MGLL: variants seen among roughly 807,000 people sequenced by gnomAD.
MGLL encodes lysophospholipase homolog.
In MGLL, 7 loss-of-function variants were observed where a neutral mutation model predicts 29.1. The observed-to-expected ratio is 0.24, with a 90% CI of 0.14 to 0.45. MGLL has a LOEUF of 0.45. MGLL is among the 20% of genes least tolerant of loss of function. The probability of loss-of-function intolerance (pLI) is 0.99; values close to 1 mark genes in which losing one functional copy is unlikely to be tolerated. For synonymous variants in MGLL, 148 were observed against 168.3 expected (o/e 0.88, Z 0.93); for missense variants, 356 against 413.6 (o/e 0.86, Z 1.21).
At chr3:127,784,454 G>A (rs966153358) in intron 2 of MGLL, among the ~76,000 whole-genome samples, 3 of 152,196 alleles carry the variant, frequency 2.0e-5, no homozygotes, top group Admixed American at 2.0e-4. Context: ...TAGAAACTTA[G>A]AGCAACCTTA....
chr3:127,740,804 G>A (rs1031446156), intron 3 of MGLL, among the ~76,000 whole-genome samples: 2 of 152,352 alleles, frequency 1.3e-5, no homozygotes, highest in African/African-American at 4.8e-5. Context: ...ACGTAGTGTG[G>A]GGACCTCCCA....
intron 3 of MGLL, among the ~76,000 whole-genome samples, chr3:127,733,388 A>T (rs2076185171): frequency 6.6e-6 from 1 of 152,234 alleles, no homozygotes; most frequent in South Asian, 2.1e-4. Flanking sequence ...CCATTCTTTC[A>T]TTCCTCTACT....
intron 2 of MGLL, among the ~76,000 whole-genome samples, chr3:127,801,520 G>C (rs2077479791): frequency 6.6e-6 from 1 of 150,954 alleles, no homozygotes; most frequent in Non-Finnish European, 1.5e-5. Context: ...GGAGGCTGAG[G>C]CAGGAGAATC....
In MGLL at chr3:127,710,829, C is replaced by T. The variant is rs896378225; in HGVS notation, c.511-164G>A. On this transcript the variant is annotated intron_variant, in intron 5 of 7. Coordinates refer to ENST00000265052, the MANE Select transcript of MGLL (RefSeq NM_007283.7). ...CCTTAAGCCTGCATGCCCAAGGACT[C>T]TCCCTTCTGACTCAGCCTCTATTCA... The T allele has an allele frequency of 8.6e-6, 6 of 695,366 alleles. No homozygotes were observed. The African/African-American group carries it at 8.8e-5, about 10-fold the overall frequency. The allele number at this position is 695,366 out of a possible 1,614,324, so 43.1% of individuals were successfully genotyped here. A position where few individuals can be genotyped will look rare whatever the true frequency, so the allele number is the denominator to read the frequency against.
chr3:127,696,166 CCT>C (rs2075357645), intron 6 of MGLL, among the ~76,000 whole-genome samples: 2 of 152,174 alleles, frequency 1.3e-5, no homozygotes, highest in South Asian at 4.1e-4. Context: ...GGATGTGGGT[CCT>C]CTCTCCTCAA....
At chr3:127,822,159 A>G (rs1210305515) in intron 1 of MGLL, 150 bp downstream of exon 1, 9 of 843,974 alleles carry the variant, frequency 1.1e-5, no homozygotes, top group Non-Finnish European at 1.7e-5. Flanking sequence ...AGTGGAAATT[A>G]TAGTCAGCTC....
intron 3 of MGLL, among the ~76,000 whole-genome samples, chr3:127,726,587 C>A (rs977460203): frequency 2.0e-5 from 3 of 152,050 alleles, no homozygotes; most frequent in African/African-American, 7.2e-5. Context: ...CACCACCATG[C>A]CCAGCTAATT....
chr3:127,815,483 C>T (rs1046753207), intron 2 of MGLL, among the ~76,000 whole-genome samples: 7 of 152,240 alleles, frequency 4.6e-5, no homozygotes, highest in African/African-American at 7.2e-5. Context: ...CCTGCTAACA[C>T]GCGGTGCTAC....
At chr3:127,774,766 G>C (rs629031) in intron 3 of MGLL, among the ~76,000 whole-genome samples, 5,566 of 152,236 alleles carry the variant, frequency 0.037, 332 homozygotes, top group African/African-American at 0.12. Flanking sequence ...GCACATTCTT[G>C]GGCCCCACAG....
At chr3:127,730,897 C>T (rs1273835464) in intron 3 of MGLL, among the ~76,000 whole-genome samples, 2 of 152,176 alleles carry the variant, frequency 1.3e-5, no homozygotes, top group African/African-American at 4.8e-5. Flanking sequence ...CGTGCATGTG[C>T]CCATGTCTGC....
rs35444871 is a variant in MGLL at position 127,807,750 on chromosome 3, C to CTTTT, written c.155+13940_155+13943dup. Reference sequence around the variant, plus strand: ...CTAATTTAGACATGCTGTGAAAAGTCTTTTTTTTTTTTTTTTTTTTTTTTT... The same window carrying CTTTT: ...CTAATTTAGACATGCTGTGAAAAGTCTTTTTTTTTTTTTTTTTTTTTTTTTTTTT... On this transcript the variant is annotated intron_variant, in intron 2 of 7. Coordinates refer to ENST00000265052, the MANE Select transcript of MGLL (RefSeq NM_007283.7). Among the ~76,000 whole-genome samples, 45 of 59,476 alleles carry CTTTT rather than the reference C, an allele frequency of 7.6e-4. 4 individuals are homozygous for CTTTT. The highest frequency in any genetic ancestry group is 2.6e-3 in the African/African-American group (37 of 14,328). 39.0% of individuals were successfully genotyped at this position (59,476 alleles called of 152,430 possible). A position where few individuals can be genotyped will look rare whatever the true frequency, so the allele number is the denominator to read the frequency against.
chr3:127,715,546 G>T (rs1279609199), intron 5 of MGLL: 1 of 382,944 alleles, frequency 2.6e-6, no homozygotes, highest in East Asian at 7.3e-5. Context: ...TTTCCCTGCT[G>T]CTCTTTTAAG....
At chr3:127,747,898 A>G (rs1201056197) in intron 3 of MGLL, among the ~76,000 whole-genome samples, 2 of 152,098 alleles carry the variant, frequency 1.3e-5, no homozygotes, top group African/African-American at 4.8e-5. Flanking sequence ...CATCCTAGGG[A>G]AGGGGGGTCC....
At chr3:127,742,144 A>C (rs2076351712) in intron 3 of MGLL, among the ~76,000 whole-genome samples, 2 of 152,224 alleles carry the variant, frequency 1.3e-5, no homozygotes, top group South Asian at 4.1e-4. Flanking sequence ...TTTCAACTTG[A>C]CATTTCATTG....
rs544379703 is a variant in MGLL, at chr3:127,704,460, C to T, written c.600+6116G>A. ...AACTATCATTAGAGTGAACAGACAA[C>T]CTACAGAATAGGAGAAAATTTTTAC... On this transcript the variant is annotated intron_variant, in intron 6 of 7. Transcript: ENST00000265052. Among the ~76,000 whole-genome samples the T allele has an allele frequency of 3.9e-5, 6 of 152,276 alleles. No homozygotes were observed. In the South Asian group the frequency reaches 1.0e-3, roughly 26 times the overall value.
chr3:127,738,447 G>A (rs1032514969), intron 3 of MGLL, among the ~76,000 whole-genome samples: 1 of 152,126 alleles, frequency 6.6e-6, no homozygotes, highest in Non-Finnish European at 1.5e-5. Context: ...ACCTCCCAAG[G>A]AGCTGCTGGT....
chr3:127,753,367 C>T (rs568143522), intron 3 of MGLL, among the ~76,000 whole-genome samples: 1 of 152,216 alleles, frequency 6.6e-6, no homozygotes, highest in Middle Eastern at 3.2e-3. Flanking sequence ...CTTGATGTGA[C>T]CAGTTTTTAA....
chr3:127,721,465 G>A (rs1464928523), intron 4 of MGLL, among the ~76,000 whole-genome samples: 1 of 146,204 alleles, frequency 6.8e-6, no homozygotes, highest in African/African-American at 2.5e-5. Context: ...CCCAAAGCTG[G>A]CAAAACCCCA....
rs573187659 is a variant in MGLL at position 127,756,862 on chromosome 3, C to T, written c.262+24927G>A. Among the ~76,000 whole-genome samples the T allele has an allele frequency of 1.8e-3, 275 of 152,152 alleles. 2 individuals are homozygous for T. Among genetic ancestry groups the T allele is most frequent in the Non-Finnish European group, 3.1e-3 (214 of 68,026 alleles). On this transcript the variant is annotated intron_variant, in intron 3 of 7. Transcript: ENST00000265052. ...CTGTCTAAAACCACCATGGCTGCTA[C>T]CCTTGATGACGCAGACCTAGGTCAG...
Sources: allele counts gnomAD v4.1 joint callset (sites outside exome capture counted in the v4.1 genomes callset), GRCh38; gene constraint gnomAD v4.1.1; transcripts MANE v1.5; gene names NCBI Gene and HGNC (gene_info 2026-07-23, HGNC 2026-07-21).